Variants in PAQR5 observed in about 807,000 individuals in gnomAD.
PAQR5 encodes membrane progestin receptor gamma.
A neutral mutation model predicts 34.5 loss-of-function variants in PAQR5; 20 were observed. That is an observed-to-expected ratio of 0.58 (90% CI 0.41 to 0.84). PAQR5 has a LOEUF of 0.84. Ranked by LOEUF, PAQR5 falls within the 40% of genes least tolerant of loss-of-function variation. The probability of loss-of-function intolerance (pLI) is 0.00; values close to 1 mark genes in which losing one functional copy is unlikely to be tolerated. For missense variants in PAQR5, 378 were observed against 412.7 expected (o/e 0.92, Z 0.73); for synonymous variants, 131 against 155.6 (o/e 0.84, Z 1.18).
chr15:69,317,665 C>T (rs894248876), intron 1 of PAQR5, among the ~76,000 whole-genome samples: 5 of 152,188 alleles, frequency 3.3e-5, no homozygotes, highest in African/African-American at 1.2e-4. Flanking sequence ...AAAAGCTTCC[C>T]ACAAATGCAA....
Position 69,384,870 on chromosome 15 carries a change from C to G in PAQR5, c.373C>G (p.Leu125Val). The change falls in exon 5 of 9, where the codon CTC becomes GTC. Residue 125 changes from leucine (L) to valine (V), a missense_variant. Leu to Val is a conservative substitution (Grantham distance 32). Transcript: ENST00000395407. ...CYFLDYGAVN[L>V]FSLGSAIAYS... ...CTTCCTGGACTATGGTGCCGTCAAC[C>G]TCTTCAGCCTGGGTATGTGAGGCCT... is the stretch of plus-strand genomic sequence containing the variant. 1.9e-6 allele frequency: 3 copies of G among 1,613,616 alleles called. No individual in the cohort carries two copies. The highest frequency in any genetic ancestry group is 2.5e-6 in the Non-Finnish European group (3 of 1,179,768).
At chr15:69,383,493 T>A (rs111247985) in intron 4 of PAQR5, among the ~76,000 whole-genome samples, 7 of 121,842 alleles carry the variant, frequency 5.7e-5, no homozygotes, top group Admixed American at 2.5e-4. Context: ...GCCTTTGTGT[T>A]CATGGTGGAG....
chr15:69,341,927 C>A (rs1333301134), intron 2 of PAQR5, among the ~76,000 whole-genome samples: 830 of 134,684 alleles, frequency 6.2e-3, no homozygotes, highest in Non-Finnish European at 7.0e-3. Context: ...GACCCTGTCT[C>A]AAAAAAAAAA....
intron 7 of PAQR5, 55 bp from the exon 8 acceptor site, chr15:69,399,919 G>A (rs971060515): frequency 1.3e-6 from 2 of 1,558,536 alleles, no homozygotes; most frequent in Non-Finnish European, 1.7e-6. Context: ...AGAAGGAAGA[G>A]GGCCTGCCTC....
intron 1 of PAQR5, among the ~76,000 whole-genome samples, chr15:69,307,097 T>C (rs1246998191): frequency 5.2e-5 from 2 of 38,758 alleles, no homozygotes; most frequent in Admixed American, 4.8e-4. Context: ...ATATACATCA[T>C]ATTTTTTTTT....
At chr15:69,310,791 C>T (rs945283347) in intron 1 of PAQR5, among the ~76,000 whole-genome samples, 1 of 151,878 alleles carries the variant, frequency 6.6e-6, no homozygotes, top group Non-Finnish European at 1.5e-5. Context: ...GTAATCCCAG[C>T]ACTTTGGGAG....
At chr15:69,363,742 A>G (rs2055310268) in intron 3 of PAQR5, among the ~76,000 whole-genome samples, 1 of 151,888 alleles carries the variant, frequency 6.6e-6, no homozygotes, top group African/African-American at 2.4e-5. Flanking sequence ...CAGTAACAAC[A>G]GGGTTTCACC....
At chr15:69,344,726 TG>T (rs1206589760) in intron 2 of PAQR5, among the ~76,000 whole-genome samples, 2 of 152,212 alleles carry the variant, frequency 1.3e-5, no homozygotes, top group Non-Finnish European at 2.9e-5. Context: ...TCAAGTAAAC[TG>T]TGTGAGGTGA....
intron 2 of PAQR5, among the ~76,000 whole-genome samples, chr15:69,345,986 A>G (rs1300584229): frequency 1.3e-5 from 2 of 152,180 alleles, no homozygotes; most frequent in Admixed American, 6.5e-5. Flanking sequence ...ACACAAATAC[A>G]CTGTTAAAAC....
At chr15:69,371,200 T>C (rs1173320707) in intron 3 of PAQR5, among the ~76,000 whole-genome samples, 1 of 152,204 alleles carries the variant, frequency 6.6e-6, no homozygotes, top group Non-Finnish European at 1.5e-5. Flanking sequence ...TGAGATTCCA[T>C]TCAGTTTTAT....
chr15:69,358,111 TA>T (rs2140832486), intron 2 of PAQR5, among the ~76,000 whole-genome samples: 1 of 152,188 alleles, frequency 6.6e-6, no homozygotes, highest in South Asian at 2.1e-4. Flanking sequence ...CCAGTGATGA[TA>T]GGGGTAAAGG....
chr15:69,333,707 T>C (rs2054445242), intron 1 of PAQR5, among the ~76,000 whole-genome samples: 2 of 152,206 alleles, frequency 1.3e-5, no homozygotes, highest in Non-Finnish European at 2.9e-5. Context: ...TGGGGATCTG[T>C]CTTTGCCTTC....
At chr15:69,341,652 TG>T (rs1354965663) in intron 2 of PAQR5, among the ~76,000 whole-genome samples, 1 of 152,144 alleles carries the variant, frequency 6.6e-6, no homozygotes, top group Non-Finnish European at 1.5e-5. Flanking sequence ...CTATGAAAAT[TG>T]GTTTAGAAAT....
chr15:69,300,697 T>C (rs1427567772), intron 1 of PAQR5, among the ~76,000 whole-genome samples: 4 of 6,940 alleles, frequency 5.8e-4, no homozygotes, highest in African/African-American at 1.1e-3. Flanking sequence ...CCTCCCTCTC[T>C]CTCTCTCTTT....
intron 1 of PAQR5, among the ~76,000 whole-genome samples, chr15:69,306,156 G>A (rs922901317): frequency 5.3e-5 from 8 of 152,066 alleles, no homozygotes; most frequent in African/African-American, 1.2e-4. Flanking sequence ...TGCATGGAGT[G>A]GGGTGTGGGC....
At chr15:69,360,194 A>G in intron 3 of PAQR5, 63 bp downstream of exon 3, 1 of 1,267,454 alleles carries the variant, frequency 7.9e-7, no homozygotes, top group Non-Finnish European at 1.2e-6. Context: ...GGCCTCCGCA[A>G]TGGGGGGCTG....
intron 2 of PAQR5, among the ~76,000 whole-genome samples, chr15:69,338,542 G>A (rs1046503849): frequency 3.3e-5 from 5 of 152,134 alleles, no homozygotes; most frequent in African/African-American, 9.7e-5. Flanking sequence ...GTTAGAAAGC[G>A]GTTCCACTCT....
intron 2 of PAQR5, among the ~76,000 whole-genome samples, chr15:69,359,052 C>G (rs1223386613): frequency 6.6e-6 from 1 of 152,142 alleles, no homozygotes; most frequent in Non-Finnish European, 1.5e-5. Flanking sequence ...GGTCACAGTG[C>G]CAGCAGATTC....
At chr15:69,310,962 C>A (rs1233403833) in intron 1 of PAQR5, among the ~76,000 whole-genome samples, 1 of 140,782 alleles carries the variant, frequency 7.1e-6, no homozygotes, top group East Asian at 2.2e-4. Flanking sequence ...TGGTGTGAAC[C>A]CGGGAGGCGG....
Sources: gnomAD v4.1 joint callset for allele counts (sites outside exome capture counted in the v4.1 genomes callset) on GRCh38, gnomAD v4.1.1 for gene constraint, MANE v1.5 for transcripts, NCBI Gene and HGNC (gene_info 2026-07-23, HGNC 2026-07-21) for gene names.